USP8: variants seen among roughly 807,000 people sequenced by gnomAD.
USP8 encodes the protein ubiquitin specific peptidase 8.
USP8 carries 27 observed loss-of-function variants against 130.0 expected under a neutral mutation model. The observed-to-expected ratio is 0.21, with a 90% confidence interval of 0.15 to 0.29. The LOEUF is 0.29. Ranked by LOEUF, USP8 falls within the 10% of genes least tolerant of loss-of-function variation. The probability of loss-of-function intolerance (pLI) is 1.00; values close to 1 mark genes in which losing one functional copy is unlikely to be tolerated. For missense variants in USP8, 1,029 were observed against 1,312.2 expected (o/e 0.78, Z 3.33); for synonymous variants, 392 against 444.1 (o/e 0.88, Z 1.48).
intron 17 of USP8, chr15:50,496,880 C>G: frequency 2.0e-6 from 1 of 500,338 alleles, no homozygotes; most frequent in Non-Finnish European, 3.4e-6. Flanking sequence ...TCACAACACA[C>G]TGTAGGTAGC....
intron 4 of USP8, among the ~76,000 whole-genome samples, chr15:50,455,415 T>G (rs114428388): frequency 0.015 from 2,180 of 143,454 alleles, 59 homozygotes; most frequent in African/African-American, 0.052. Context: ...TTTTATAGCG[T>G]CTATTATTTT....
intron 15 of USP8, chr15:50,493,761 G>A: frequency 2.3e-6 from 1 of 444,006 alleles, no homozygotes; most frequent in Non-Finnish European, 4.2e-6. Flanking sequence ...AAAGAGTAAA[G>A]CCTTCTCTGA....
chr15:50,457,284 G>A (rs780388407), intron 4 of USP8, among the ~76,000 whole-genome samples: 9 of 152,202 alleles, frequency 5.9e-5, no homozygotes, highest in Admixed American at 2.6e-4. Flanking sequence ...GACCAGGTGC[G>A]GTGGCTCACA....
At chr15:50,455,516 G>A (rs1253217589) in intron 4 of USP8, among the ~76,000 whole-genome samples, 1 of 152,104 alleles carries the variant, frequency 6.6e-6, no homozygotes, top group Non-Finnish European at 1.5e-5. Flanking sequence ...TAAAATCTTT[G>A]TATGCTAAAT....
chr15:50,487,020 A>T (rs886163529), intron 12 of USP8, among the ~76,000 whole-genome samples: 1 of 151,816 alleles, frequency 6.6e-6, no homozygotes, highest in Non-Finnish European at 1.5e-5. Flanking sequence ...GCTACTTGGG[A>T]GGCTGAGGCA....
intron 1 of USP8, among the ~76,000 whole-genome samples, chr15:50,433,346 T>A (rs946392253): frequency 3.9e-5 from 6 of 152,188 alleles, no homozygotes; most frequent in Admixed American, 2.0e-4. Context: ...TTATGTTGAG[T>A]ATTGTTGCTG....
At chr15:50,472,551 C>G (rs542067646) in intron 8 of USP8, among the ~76,000 whole-genome samples, 1 of 146,602 alleles carries the variant, frequency 6.8e-6, no homozygotes, top group Non-Finnish European at 1.5e-5. Flanking sequence ...GAGCAGAGAT[C>G]GCACCACTGC....
At chr15:50,496,878 C>T (rs2052434058) in intron 17 of USP8, 3 of 483,970 alleles carry the variant, frequency 6.2e-6, no homozygotes, top group Non-Finnish European at 1.0e-5. Context: ...TGTCACAACA[C>T]ACTGTAGGTA....
At position 50,484,278 on chromosome 15, in the gene USP8, T is replaced by G. The variant is rs548032910; in HGVS notation, c.1807T>G (p.Phe603Val). ...TGTAATTTTAATAATTTTACAGCCA[T>G]TTAAGATTAAAGGACAACCAGAAAG... ...VTGDSGSGKP[F>V]KIKGQPESGI... The change falls in exon 12 of 20, where the codon TTT becomes GTT. Residue 603 changes from phenylalanine to valine, a missense_variant. By Grantham distance (50) the Phe-to-Val change is conservative. Transcript: ENST00000307179. 3.7e-6 allele frequency: 6 copies of G among 1,608,214 alleles called. No homozygotes were observed. The highest frequency in any genetic ancestry group is 5.1e-6 in the Non-Finnish European group (6 of 1,177,670).
rs960285557 is a variant in USP8, at chr15:50,460,380, C to T, written c.498+1218C>T. ...GGAGTGCAGTGGTGCGATTTCAGCT[C>T]GCTGCAACCTCTGCTTCCCGGGTTC... On this transcript the variant is annotated intron_variant, in intron 5 of 19. Coordinates refer to ENST00000307179, the MANE Select transcript of USP8 (RefSeq NM_005154.5). Among the ~76,000 whole-genome samples the T allele has an allele frequency of 5.6e-5, 8 of 144,088 alleles. No homozygotes were observed. In the Admixed American group the frequency reaches 5.7e-4, roughly 10 times the overall value. 94.5% of individuals were successfully genotyped at this position (144,088 alleles called of 152,430 possible). A position where few individuals can be genotyped will look rare whatever the true frequency, so the allele number is the denominator to read the frequency against.
intron 2 of USP8, 77 bp downstream of exon 2, chr15:50,439,254 T>C (rs1466241057): frequency 5.3e-6 from 5 of 946,352 alleles, no homozygotes; most frequent in Non-Finnish European, 7.6e-6. Context: ...GTTAGATGAA[T>C]GTTAAAGTTT....
chr15:50,466,754 G>T (rs1188939468), intron 7 of USP8: 2 of 232,152 alleles, frequency 8.6e-6, no homozygotes, highest in South Asian at 6.1e-5. Flanking sequence ...TTTTAAAGAT[G>T]CTGGAAAAAC....
intron 7 of USP8, chr15:50,467,232 T>G (rs1293241669): frequency 6.0e-6 from 1 of 167,334 alleles, no homozygotes; most frequent in Non-Finnish European, 1.3e-5. Flanking sequence ...GGTAGTCTAG[T>G]CTGTATTAAT....
chr15:50,442,185 G>A (rs1286909166), intron 3 of USP8, among the ~76,000 whole-genome samples: 1 of 151,922 alleles, frequency 6.6e-6, no homozygotes, highest in Non-Finnish European at 1.5e-5. Flanking sequence ...TGTTGGTCAG[G>A]CTGGTCTCAA....
chr15:50,481,507 C>G lies in USP8; in HGVS notation c.1245C>G (p.Val415=). 2.5e-6 allele frequency: 4 copies of G among 1,591,484 alleles called. No homozygotes were observed. Among genetic ancestry groups the G allele is most frequent in the Non-Finnish European group, 3.4e-6 (4 of 1,173,082 alleles). The change falls in exon 11 of 20, where the codon GTC becomes GTG. Residue 415 remains valine (V), a synonymous_variant. Coordinates refer to ENST00000307179, the MANE Select transcript of USP8 (RefSeq NM_005154.5). The part of the protein sequence containing the change: ...PQIDRTKKPA[V]KLPEEHRIKS... ...TTGATCGTACTAAAAAACCAGCAGT[C>G]AAATTGCCTGAAGAGCATAGAATAA... is the stretch of plus-strand genomic sequence containing the variant.
chr15:50,433,109 C>CG (rs1428962044), intron 1 of USP8, among the ~76,000 whole-genome samples: 1 of 151,880 alleles, frequency 6.6e-6, no homozygotes, highest in Non-Finnish European at 1.5e-5. Context: ...GGCATGGTGG[C>CG]GGGGCGCCTG....
At chr15:50,489,515 CT>C (rs2052081658) in intron 12 of USP8, 2 of 162,856 alleles carry the variant, frequency 1.2e-5, no homozygotes, top group Non-Finnish European at 2.6e-5. Context: ...CACTGTCTTC[CT>C]CCCCGTGAAC....
intron 6 of USP8, among the ~76,000 whole-genome samples, chr15:50,464,682 C>T (rs1037727162): frequency 6.6e-6 from 1 of 152,086 alleles, no homozygotes; most frequent in Admixed American, 6.6e-5. Flanking sequence ...CATGGTGAAA[C>T]CCCATCTCTA....
intron 1 of USP8, among the ~76,000 whole-genome samples, chr15:50,427,263 T>G (rs1436833950): frequency 6.6e-6 from 1 of 152,140 alleles, no homozygotes; most frequent in Non-Finnish European, 1.5e-5. Context: ...ACCGTAATAC[T>G]TTATGTTGTA....
Sources: gnomAD v4.1 joint callset for allele counts (sites outside exome capture counted in the v4.1 genomes callset) on GRCh38, gnomAD v4.1.1 for gene constraint, MANE v1.5 for transcripts, NCBI Gene and HGNC (gene_info 2026-07-23, HGNC 2026-07-21) for gene names.